Variants in DOCK2 observed in about 807,000 individuals in gnomAD.
The protein encoded by DOCK2 is dedicator of cytokinesis 2.
A neutral mutation model predicts 248.9 loss-of-function variants in DOCK2; 87 were observed. That is an observed-to-expected ratio of 0.35 (90% CI 0.29 to 0.42). DOCK2 has a LOEUF of 0.42. Ranked by LOEUF, DOCK2 falls within the 10% of genes least tolerant of loss-of-function variation. DOCK2 has a pLI of 1.00. For missense variants in DOCK2, 1,747 were observed against 2,300.2 expected (o/e 0.76, Z 4.92); for synonymous variants, 805 against 821.6 (o/e 0.98, Z 0.35).
Position 169,759,768 on chromosome 5 carries a change from T to C in DOCK2, c.2440T>C (p.Leu814=). 6.2e-7 allele frequency: 1 copy of C among 1,613,968 alleles called. No homozygotes were observed. Among genetic ancestry groups the C allele is most frequent in the Non-Finnish European group, 8.5e-7 (1 of 1,179,864 alleles). The change falls in exon 24 of 52, where the codon TTA becomes CTA. Residue 814 remains leucine, a synonymous_variant. Transcript: ENST00000520908. ...TGTAGAAATGGTCTTTGATGCGAAGTTACTCAGGTGAGAGCTCATGTTGTA... is the reference window on the plus strand; with the variant it reads ...TGTAGAAATGGTCTTTGATGCGAAGCTACTCAGGTGAGAGCTCATGTTGTA... ...HDVEMVFDAK[L]LSQLLYEFYT...
chr5:169,952,087 T>C (rs998436475), intron 27 of DOCK2, among the ~76,000 whole-genome samples: 1 of 152,228 alleles, frequency 6.6e-6, no homozygotes, highest in African/African-American at 2.4e-5. Flanking sequence ...GGGTTTCTCC[T>C]ACCATTTCAG....
intron 25 of DOCK2, among the ~76,000 whole-genome samples, chr5:169,799,778 T>C (rs1393307505): frequency 6.6e-6 from 1 of 152,110 alleles, no homozygotes; most frequent in Admixed American, 6.5e-5. Flanking sequence ...ATCAATGTAT[T>C]GTACTCTCAA....
chr5:169,805,018 GATTT>G (rs1767269190), intron 26 of DOCK2, among the ~76,000 whole-genome samples: 1 of 152,038 alleles, frequency 6.6e-6, no homozygotes, highest in Non-Finnish European at 1.5e-5. Context: ...TTTAAAGGGA[GATTT>G]CAGTCTTACT....
intron 27 of DOCK2, among the ~76,000 whole-genome samples, chr5:169,979,895 C>T (rs1048261536): frequency 5.3e-5 from 8 of 152,234 alleles, no homozygotes; most frequent in African/African-American, 1.7e-4. Context: ...TAGATGGGGA[C>T]TAGAATCCCC....
At chr5:169,710,100 G>A (rs575993225) in intron 15 of DOCK2, among the ~76,000 whole-genome samples, 1 of 152,318 alleles carries the variant, frequency 6.6e-6, no homozygotes, top group South Asian at 2.1e-4. Context: ...GGCCAGTCAT[G>A]AACATACTGG....
In DOCK2 at chr5:170,005,235, TCA is replaced by T. The variant is rs147398990; in HGVS notation, c.3073-3259_3073-3258del. On this transcript the variant is annotated intron_variant, in intron 30 of 51. Transcript: ENST00000520908. ...ACAGAGACAGACAGTACATTAGTAT[TCA>T]CAGTTTCCAGGCAGTTTGTAGCAGG... is the stretch of plus-strand genomic sequence containing the variant. Among the ~76,000 whole-genome samples the T allele has an allele frequency of 3.4e-3, 516 of 152,306 alleles. 4 individuals carry two copies. Among genetic ancestry groups the T allele is most frequent in the African/African-American group, 0.012 (485 of 41,562 alleles).
intron 26 of DOCK2, among the ~76,000 whole-genome samples, chr5:169,816,837 C>A (rs866988475): frequency 8.5e-5 from 13 of 152,096 alleles, no homozygotes; most frequent in African/African-American, 3.1e-4. Flanking sequence ...ACAGTCAATG[C>A]GGTTATATTC....
chr5:170,012,155 A>G (rs961000266), intron 32 of DOCK2, among the ~76,000 whole-genome samples: 6 of 152,242 alleles, frequency 3.9e-5, no homozygotes, highest in African/African-American at 1.4e-4. Context: ...CCCAAGTGCA[A>G]TGTTCTTACA....
intron 44 of DOCK2, among the ~76,000 whole-genome samples, chr5:170,059,865 G>A (rs573371358): frequency 3.8e-4 from 58 of 152,280 alleles, no homozygotes; most frequent in South Asian, 6.2e-4. Flanking sequence ...CTTTCATCCC[G>A]ATGGCTTCTC....
chr5:169,766,723 C>G (rs1403056033), intron 25 of DOCK2, among the ~76,000 whole-genome samples: 2 of 152,130 alleles, frequency 1.3e-5, no homozygotes, highest in African/African-American at 4.8e-5. Flanking sequence ...TATGCATCCC[C>G]TTTTCACCAA....
intron 32 of DOCK2, among the ~76,000 whole-genome samples, chr5:170,012,222 A>G (rs1340112299): frequency 6.6e-6 from 1 of 152,140 alleles, no homozygotes; most frequent in East Asian, 1.9e-4. Flanking sequence ...ATGACCAACG[A>G]TCTACGCTTT....
intron 26 of DOCK2, among the ~76,000 whole-genome samples, chr5:169,823,410 AG>A (rs199995908): frequency 0.091 from 13,812 of 152,214 alleles, 674 homozygotes; most frequent in Admixed American, 0.13. Flanking sequence ...CACATCAAAA[AG>A]CTTATCCACC....
intron 27 of DOCK2, among the ~76,000 whole-genome samples, chr5:169,877,078 C>T (rs1263089093): frequency 1.3e-5 from 2 of 152,158 alleles, no homozygotes; most frequent in African/African-American, 4.8e-5. Context: ...GTCCAGATAA[C>T]TGACATTTAA....
chr5:169,755,511 G>A (rs1303780548), intron 23 of DOCK2, among the ~76,000 whole-genome samples: 1 of 152,190 alleles, frequency 6.6e-6, no homozygotes, highest in African/African-American at 2.4e-5. Context: ...GGGAGGCTGA[G>A]GCGGGTGGAT....
intron 42 of DOCK2, among the ~76,000 whole-genome samples, chr5:170,055,861 G>C (rs113408361): frequency 6.6e-6 from 1 of 152,370 alleles, no homozygotes; most frequent in African/African-American, 2.4e-5. Flanking sequence ...GAACAGTAGA[G>C]GAAGTGCCGT....
chr5:169,927,829 G>A (rs1470567415), intron 27 of DOCK2, among the ~76,000 whole-genome samples: 3 of 152,288 alleles, frequency 2.0e-5, no homozygotes, highest in African/African-American at 4.8e-5. Context: ...TGTTAGCCAG[G>A]ATGGTCTCAA....
chr5:169,718,713 G>C lies in DOCK2; in HGVS notation c.2189G>C (p.Cys730Ser). The part of the protein sequence containing the change: ...YLDTSSRGEQ[C>S]EPILRTLKAL... ...GATACCTCCAGCAGAGGGGAGCAAT[G>C]TGAGCCAATCCTAAGAACGCTGAAG... The change falls in exon 22 of 52, where the codon TGT (cysteine) becomes TCT (serine). Residue 730 changes from cysteine (C) to serine (S), a missense_variant. Transcript: ENST00000520908. 6.2e-7 allele frequency: 1 copy of C among 1,614,020 alleles called. No individual in the cohort carries two copies. The highest frequency in any genetic ancestry group is 2.2e-5 in the East Asian group (1 of 44,846).
At chr5:169,962,555 A>T (rs1469270034) in intron 27 of DOCK2, among the ~76,000 whole-genome samples, 1 of 152,160 alleles carries the variant, frequency 6.6e-6, no homozygotes, top group African/African-American at 2.4e-5. Flanking sequence ...AGTTGTGTCT[A>T]TCACTAGATC....
intron 6 of DOCK2, among the ~76,000 whole-genome samples, chr5:169,674,896 A>G (rs1759248536): frequency 6.6e-6 from 1 of 152,242 alleles, no homozygotes; most frequent in Non-Finnish European, 1.5e-5. Flanking sequence ...CTCAAAAGGG[A>G]AGAGAAGTAA....
Sources: gnomAD v4.1 joint callset for allele counts (sites outside exome capture counted in the v4.1 genomes callset) on GRCh38, gnomAD v4.1.1 for gene constraint, MANE v1.5 for transcripts, NCBI Gene and HGNC (gene_info 2026-07-23, HGNC 2026-07-21) for gene names.